The following MNS1 variants were observed in gnomAD, a reference collection of about 807,000 sequenced individuals.
MNS1 encodes the protein meiosis specific nuclear structural 1.
Under a neutral mutation model 72.0 loss-of-function variants are expected in MNS1, and 63 were observed. That is an observed-to-expected ratio of 0.87 (90% CI 0.71 to 1.08). The LOEUF is 1.08. Among genes scored for constraint, MNS1 ranks in the 50% least tolerant of loss-of-function variants. The pLI is 0.00. For synonymous variants in MNS1, 188 were observed against 172.1 expected, an observed-to-expected ratio of 1.09 and a Z score of -0.72; for missense variants, 604 against 562.4, an observed-to-expected ratio of 1.07 and a Z score of -0.75.
At position 56,464,108 on chromosome 15, in the gene MNS1, T is replaced by G; in HGVS notation, c.143A>C (p.Asp48Ala). 6.2e-7 allele frequency: 1 copy of G among 1,614,188 alleles called. No homozygotes were observed. The highest frequency in any genetic ancestry group is 8.5e-7 in the Non-Finnish European group (1 of 1,180,024). The change falls in exon 2 of 10, where the codon GAT becomes GCT. Residue 48 changes from aspartate (D) to alanine (A), a missense_variant. Asp to Ala is a moderately radical substitution (Grantham distance 126). Coordinates refer to ENST00000260453, the MANE Select transcript of MNS1 (RefSeq NM_018365.4). ...AAATTGCTTGCGCTGAACACGGTTATCATTTTCATTCTGCACCATTTGATT... is the reference window on the plus strand; with the variant it reads ...AAATTGCTTGCGCTGAACACGGTTAGCATTTTCATTCTGCACCATTTGATT... ...IRNQMVQNEN[D>A]NRVQRKQFLR...
chr15:56,437,691 T>C (rs2050750989), intron 7 of MNS1, among the ~76,000 whole-genome samples: 1 of 152,318 alleles, frequency 6.6e-6, no homozygotes, highest in South Asian at 2.1e-4. Context: ...TGTTTGCAGA[T>C]GACATGATTG....
rs12148572 is a variant in MNS1, at chr15:56,465,053, G to C, written c.-81C>G. 0.011 allele frequency: 17,487 copies of C among 1,568,198 alleles called. 127 individuals are homozygous for C. The highest frequency in any genetic ancestry group is 0.012 in the Non-Finnish European group (14,400 of 1,158,420). ...CAAACGCAGCAGCCAGCAGCCCCAA[G>C]GAGCGCACCTGGCTGCGCGCGCTCG... On this transcript the variant is annotated 5_prime_UTR_variant, in exon 1 of 10. Transcript: ENST00000260453.
chr15:56,436,989 A>C (rs2050737125), intron 7 of MNS1, among the ~76,000 whole-genome samples: 1 of 152,164 alleles, frequency 6.6e-6, no homozygotes, highest in South Asian at 2.1e-4. Flanking sequence ...AAAGTCCAGG[A>C]CCAGATGGAT....
chr15:56,443,358 A>C, intron 7 of MNS1, 72 bp downstream of exon 7: 2 of 1,105,420 alleles, frequency 1.8e-6, no homozygotes, highest in Non-Finnish European at 2.5e-6. Flanking sequence ...TAAATGTACT[A>C]TCTCTTTTCT....
chr15:56,444,658 T>C lies in MNS1; in HGVS notation c.472A>G (p.Ile158Val). ...TGTTCTTCCATCATGGTTTTGGCTA[T>C]TTCAGCATCACGTTTCTGTTATTAA... ...KYEQMKRDAE[I>V]AKTMMEEHKR... The change falls in exon 5 of 10, where the codon ATA becomes GTA. Residue 158 changes from isoleucine to valine, a missense_variant. Ile to Val is a conservative substitution (Grantham distance 29). Coordinates refer to ENST00000260453, the MANE Select transcript of MNS1 (RefSeq NM_018365.4). 2 of 1,611,272 alleles carry C rather than the reference T, an allele frequency of 1.2e-6. No individual in the cohort carries two copies. The highest frequency in any genetic ancestry group is 1.3e-5 in the African/African-American group (1 of 74,848).
chr15:56,433,937 A>G (rs1039271550), intron 8 of MNS1, among the ~76,000 whole-genome samples: 4 of 152,168 alleles, frequency 2.6e-5, no homozygotes, highest in Non-Finnish European at 5.9e-5. Flanking sequence ...TATGTTCTCA[A>G]TACCAACCAG....
rs1453300707 is a variant in MNS1 at position 56,444,446 on chromosome 15, C to A, written c.684G>T (p.Gln228His). 1.9e-6 allele frequency: 3 copies of A among 1,603,392 alleles called. No individual in the cohort carries two copies. Among genetic ancestry groups the A allele is most frequent in the South Asian group, 1.1e-5 (1 of 88,744 alleles). The change falls in exon 5 of 10, where the codon CAG becomes CAT. Residue 228 changes from glutamine to histidine, a missense_variant and splice_region_variant. Transcript: ENST00000260453. The part of the protein sequence containing the change: ...EIVRKIYEED[Q>H]LEKQQKLEKM... ...TAAGAAAGTTAGGATAAACTTACAA[C>A]TGATCTTCTTCATAGATCTTCCTAA... is the stretch of plus-strand genomic sequence containing the variant.
At chr15:56,461,339 G>A (rs768013212) in intron 2 of MNS1, among the ~76,000 whole-genome samples, 2 of 152,032 alleles carry the variant, frequency 1.3e-5, no homozygotes, top group Non-Finnish European at 2.9e-5. Context: ...AGCAAGGAAG[G>A]TATCAAAGAT....
chr15:56,451,915 A>G (rs1449225986), intron 3 of MNS1, among the ~76,000 whole-genome samples: 9 of 152,204 alleles, frequency 5.9e-5, no homozygotes, highest in Admixed American at 5.9e-4. Context: ...TAATTCCACT[A>G]TGGACAGAGA....
In MNS1 at chr15:56,443,865, A is replaced by G. The variant is rs2050862449; in HGVS notation, c.687-11T>C. 3 of 1,575,728 alleles carry G rather than the reference A, an allele frequency of 1.9e-6. No homozygotes were observed. The highest frequency in any genetic ancestry group is 2.2e-5 in the East Asian group (1 of 44,568). On this transcript the variant is annotated splice_polypyrimidine_tract_variant and intron_variant, in intron 5 of 9. Coordinates refer to ENST00000260453, the MANE Select transcript of MNS1 (RefSeq NM_018365.4). The stretch of plus-strand genomic sequence containing the variant: ...TTTTGTTGTTTTTCCCTGAAAAGCA[A>G]TAACAAGTACAGATTTATAGTAAAC...
rs1266884715 is a variant in MNS1, at chr15:56,465,071, C to T, written c.-99G>A. On this transcript the variant is annotated 5_prime_UTR_variant, in exon 1 of 10. Transcript: ENST00000260453. The stretch of plus-strand genomic sequence containing the variant: ...GCCCCAAGGAGCGCACCTGGCTGCG[C>T]GCGCTCGGGTGTTTACGCGGCGTCT... 1.3e-6 allele frequency: 2 copies of T among 1,520,906 alleles called. No individual in the cohort carries two copies. Among genetic ancestry groups the T allele is most frequent in the Non-Finnish European group, 1.8e-6 (2 of 1,123,650 alleles). 94.2% of individuals were successfully genotyped at this position (1,520,906 alleles called of 1,614,324 possible).
At chr15:56,462,253 T>C (rs146829949) in intron 2 of MNS1, among the ~76,000 whole-genome samples, 2 of 152,244 alleles carry the variant, frequency 1.3e-5, no homozygotes, top group East Asian at 3.9e-4. Flanking sequence ...TTGTAACCAC[T>C]AATGAAAGAA....
At chr15:56,437,447 G>T (rs958728485) in intron 7 of MNS1, among the ~76,000 whole-genome samples, 3 of 152,048 alleles carry the variant, frequency 2.0e-5, no homozygotes, top group Non-Finnish European at 4.4e-5. Context: ...AATAAATTAG[G>T]TGTTGATGGG....
intron 7 of MNS1, among the ~76,000 whole-genome samples, chr15:56,434,991 T>A (rs1337578542): frequency 1.1e-4 from 17 of 152,110 alleles, no homozygotes; most frequent in African/African-American, 3.9e-4. Context: ...GAACATTTTA[T>A]TATGAAAAAT....
rs144146491 is a variant in MNS1, at chr15:56,444,473, A to G, written c.657T>C (p.Ile219=). Residue 219 remains isoleucine, a synonymous_variant, in exon 5 of 10, where the codon ATT becomes ATC. Coordinates refer to ENST00000260453, the MANE Select transcript of MNS1 (RefSeq NM_018365.4). ...LLKEKLMIDE[I]VRKIYEEDQL... Reference sequence around the variant, plus strand: ...GATCTTCTTCATAGATCTTCCTAACAATTTCATCAATCATGAGTTTCTCTT... The same window carrying G: ...GATCTTCTTCATAGATCTTCCTAACGATTTCATCAATCATGAGTTTCTCTT... 1.4e-5 allele frequency: 22 copies of G among 1,607,670 alleles called. No homozygotes were observed. Among genetic ancestry groups the G allele is most frequent in the Non-Finnish European group, 1.9e-5 (22 of 1,178,514 alleles).
intron 3 of MNS1, among the ~76,000 whole-genome samples, chr15:56,452,434 C>A (rs1436398124): frequency 6.6e-6 from 1 of 152,030 alleles, no homozygotes; most frequent in East Asian, 1.9e-4. Context: ...AACTTAGGCA[C>A]CCTCTACTTA....
chr15:56,441,295 T>C (rs767732656), intron 7 of MNS1, among the ~76,000 whole-genome samples: 5 of 152,154 alleles, frequency 3.3e-5, no homozygotes, highest in Admixed American at 6.6e-5. Context: ...AGACTTCCTT[T>C]ATGTCCTAGA....
At position 56,434,185 on chromosome 15, in the gene MNS1, C is replaced by T. The variant is rs867007829; in HGVS notation, c.1222G>A (p.Val408Met). 1 of 1,613,764 alleles carries T rather than the reference C, an allele frequency of 6.2e-7. No individual in the cohort carries two copies. Among genetic ancestry groups the T allele is most frequent in the South Asian group, 1.1e-5 (1 of 90,990 alleles). ...RMKQLEHRRA[V>M]EKLIEERRQQ... ...CGACGCTCTTCAATAAGTTTTTCCACAGCCCTCCTGTGTTCCAGCTGCTTC... is the reference window on the plus strand; with the variant it reads ...CGACGCTCTTCAATAAGTTTTTCCATAGCCCTCCTGTGTTCCAGCTGCTTC... Residue 408 changes from valine (V) to methionine (M), a missense_variant, in exon 8 of 10, where the codon GTG becomes ATG. Physicochemically the swap from Val to Met is conservative, Grantham distance 21. Transcript: ENST00000260453.
chr15:56,441,447 T>C (rs1263781081), intron 7 of MNS1, among the ~76,000 whole-genome samples: 1 of 152,196 alleles, frequency 6.6e-6, no homozygotes, highest in Non-Finnish European at 1.5e-5. Context: ...CTACCTAGTC[T>C]ATAGATTAAT....
Sources: gnomAD v4.1 joint callset for allele counts (sites outside exome capture counted in the v4.1 genomes callset) on GRCh38, gnomAD v4.1.1 for gene constraint, MANE v1.5 for transcripts, NCBI Gene and HGNC (gene_info 2026-07-23, HGNC 2026-07-21) for gene names.